SMIM14: variants seen among roughly 807,000 people sequenced by gnomAD.
SMIM14 encodes small integral membrane protein 14, also known as chromosome 4 open reading frame 34.
In SMIM14, 5 loss-of-function variants were observed where a neutral mutation model predicts 12.6. That is an observed-to-expected ratio of 0.40 (90% CI 0.21 to 0.83). The LOEUF (loss-of-function observed/expected upper bound fraction) is 0.83. Ranked by LOEUF, SMIM14 falls within the 40% of genes least tolerant of loss-of-function variation. The pLI is 0.37. For synonymous variants in SMIM14, 30 were observed against 40.1 expected (o/e 0.75, Z 0.95); for missense variants, 86 against 119.1 (o/e 0.72, Z 1.29).
chr4:39,564,046 C>A (rs566809662), intron 3 of SMIM14, among the ~76,000 whole-genome samples: 1 of 152,148 alleles, frequency 6.6e-6, no homozygotes, highest in African/African-American at 2.4e-5. Flanking sequence ...CCCTGCCTCA[C>A]AAATAAAATG....
intron 2 of SMIM14, chr4:39,593,731 A>T (rs1268239627): frequency 1.3e-5 from 2 of 151,848 alleles, no homozygotes; most frequent in Non-Finnish European, 3.0e-5. Flanking sequence ...AATGTACAAA[A>T]ATCACAAGCA....
At chr4:39,566,575 G>A (rs1712584666) in intron 3 of SMIM14, among the ~76,000 whole-genome samples, 1 of 152,082 alleles carries the variant, frequency 6.6e-6, no homozygotes, top group South Asian at 2.1e-4. Flanking sequence ...GCTCATGCCT[G>A]TAATCCCAGC....
At chr4:39,590,128 T>C (rs1244027070) in intron 2 of SMIM14, among the ~76,000 whole-genome samples, 1 of 151,490 alleles carries the variant, frequency 6.6e-6, no homozygotes, top group East Asian at 2.0e-4. Context: ...AAAACAATAA[T>C]TTATGCAAGG....
At chr4:39,572,548 G>T in intron 2 of SMIM14, 85 bp from the exon 3 acceptor site, 1 of 1,176,952 alleles carries the variant, frequency 8.5e-7, no homozygotes, top group Non-Finnish European at 1.3e-6. Flanking sequence ...TTTTGGCCGG[G>T]TGCGGTGGCT....
chr4:39,576,684 A>ATATATCTAT (rs1560289781), intron 2 of SMIM14, among the ~76,000 whole-genome samples: 1 of 25,544 alleles, frequency 3.9e-5, no homozygotes, highest in African/African-American at 1.5e-4. Flanking sequence ...ATATATATAT[A>ATATATCTAT]TTTTTTTTTT....
chr4:39,611,481 G>A (rs899570493), intron 1 of SMIM14, among the ~76,000 whole-genome samples: 2 of 149,026 alleles, frequency 1.3e-5, no homozygotes, highest in African/African-American at 5.0e-5. Flanking sequence ...ACTCCAGCCT[G>A]AGCAACCGAG....
At chr4:39,577,033 A>G (rs1389440131) in intron 2 of SMIM14, among the ~76,000 whole-genome samples, 4 of 151,518 alleles carry the variant, frequency 2.6e-5, no homozygotes, top group African/African-American at 9.7e-5. Flanking sequence ...TATTTTTAAC[A>G]CTGTGGAATA....
intron 3 of SMIM14, among the ~76,000 whole-genome samples, chr4:39,568,907 A>G (rs938088201): frequency 2.6e-5 from 4 of 152,204 alleles, no homozygotes; most frequent in Admixed American, 2.0e-4. Flanking sequence ...CAATATGCCT[A>G]AATGAATGTT....
intron 3 of SMIM14, among the ~76,000 whole-genome samples, chr4:39,571,740 A>T (rs1712900920): frequency 6.6e-6 from 1 of 152,134 alleles, no homozygotes; most frequent in Non-Finnish European, 1.5e-5. Context: ...TTTGCCAAGA[A>T]AAAAAGACTA....
chr4:39,633,337 A>G (rs1464381416), intron 1 of SMIM14, among the ~76,000 whole-genome samples: 1 of 152,166 alleles, frequency 6.6e-6, no homozygotes, highest in Non-Finnish European at 1.5e-5. Flanking sequence ...TCTATTTGTA[A>G]TTAGACTGGC....
chr4:39,593,411 A>G (rs900092453), intron 2 of SMIM14: 3 of 152,222 alleles, frequency 2.0e-5, no homozygotes, highest in African/African-American at 4.8e-5. Flanking sequence ...TCTCAAAATA[A>G]TAAGAGCTAT....
At chr4:39,617,817 T>C (rs1027895227) in intron 1 of SMIM14, among the ~76,000 whole-genome samples, 9 of 152,222 alleles carry the variant, frequency 5.9e-5, no homozygotes, top group Admixed American at 5.9e-4. Flanking sequence ...TAAAACAGTG[T>C]ATCTACCATA....
At chr4:39,616,621 T>G (rs942797922) in intron 1 of SMIM14, among the ~76,000 whole-genome samples, 6 of 143,678 alleles carry the variant, frequency 4.2e-5, no homozygotes, top group Non-Finnish European at 9.0e-5. Context: ...CTATACATCT[T>G]CCAATCCATT....
intron 1 of SMIM14, among the ~76,000 whole-genome samples, chr4:39,635,482 G>A (rs1461057531): frequency 6.6e-6 from 1 of 152,114 alleles, no homozygotes; most frequent in East Asian, 1.9e-4. Context: ...GTGGAAGCAG[G>A]GAGACCAGGA....
chr4:39,576,298 T>C (rs181122386), intron 2 of SMIM14, among the ~76,000 whole-genome samples: 2 of 151,760 alleles, frequency 1.3e-5, no homozygotes, highest in Admixed American at 1.3e-4. Flanking sequence ...GAAAATAGCA[T>C]GGTATGACAG....
At chr4:39,562,002 A>T (rs1712334964) in intron 3 of SMIM14, among the ~76,000 whole-genome samples, 1 of 146,766 alleles carries the variant, frequency 6.8e-6, no homozygotes, top group African/African-American at 2.4e-5. Context: ...TATGACTCGT[A>T]GTTCCCTTAA....
chr4:39,601,419 A>G (rs1714607736), intron 2 of SMIM14, among the ~76,000 whole-genome samples: 1 of 152,212 alleles, frequency 6.6e-6, no homozygotes, highest in Non-Finnish European at 1.5e-5. Flanking sequence ...TTAAATGTCC[A>G]TTTTTAGAAA....
At chr4:39,622,106 C>T (rs558227218) in intron 1 of SMIM14, among the ~76,000 whole-genome samples, 5 of 151,942 alleles carry the variant, frequency 3.3e-5, no homozygotes, top group South Asian at 4.1e-4. Flanking sequence ...TTTTTTGAGA[C>T]GGAGTCTTGC....
intron 3 of SMIM14, among the ~76,000 whole-genome samples, chr4:39,560,048 G>A (rs1380805087): frequency 6.6e-6 from 1 of 152,014 alleles, no homozygotes; most frequent in African/African-American, 2.4e-5. Flanking sequence ...CTTGAGCCCA[G>A]GAGGTGGAGG....
Sources: gnomAD v4.1 joint callset for allele counts (sites outside exome capture counted in the v4.1 genomes callset) on GRCh38, gnomAD v4.1.1 for gene constraint, MANE v1.5 for transcripts, NCBI Gene and HGNC (gene_info 2026-07-23, HGNC 2026-07-21) for gene names.